The following PDE5A variants were observed in gnomAD, a reference collection of about 807,000 sequenced individuals.
The protein encoded by PDE5A is cGMP-specific 3',5'-cyclic phosphodiesterase.
A neutral mutation model predicts 110.2 loss-of-function variants in PDE5A; 67 were observed. The observed-to-expected ratio is 0.61, with a 90% CI of 0.50 to 0.75. The LOEUF is 0.75. PDE5A is among the 30% of genes least tolerant of loss of function. The pLI is 0.00. For missense variants in PDE5A, 862 were observed against 1,045.1 expected, an observed-to-expected ratio of 0.82 and a Z score of 2.42; for synonymous variants, 328 against 351.2, an observed-to-expected ratio of 0.93 and a Z score of 0.74.
chr4:119,580,031 C>G (rs1286954542), intron 3 of PDE5A, among the ~76,000 whole-genome samples: 1 of 152,116 alleles, frequency 6.6e-6, no homozygotes, highest in African/African-American at 2.4e-5. Flanking sequence ...ACGTCGCTCC[C>G]CAGACGGGGC....
chr4:119,565,658 T>A (rs1327044169), intron 4 of PDE5A, among the ~76,000 whole-genome samples: 1 of 152,072 alleles, frequency 6.6e-6, no homozygotes, highest in Non-Finnish European at 1.5e-5. Flanking sequence ...TATCTCTTTA[T>A]ACCACTTGAA....
rs185342599 is a variant in PDE5A, at chr4:119,498,403, A to T, written c.*198T>A. The T allele has an allele frequency of 9.2e-4, 519 of 563,694 alleles. 5 individuals carry two copies. In the East Asian group the frequency reaches 0.015, roughly 16 times the overall value. The allele number at this position is 563,694 out of a possible 1,614,324, so 34.9% of individuals were successfully genotyped here. A position where few individuals can be genotyped will look rare whatever the true frequency, so the allele number is the denominator to read the frequency against. ...GTTGATCCTTTCAGTTCAGTAGCAT[A>T]AAACAAATATACAAAAAATATGTAA... On this transcript the variant is annotated 3_prime_UTR_variant, in exon 21 of 21. Coordinates refer to ENST00000354960, the MANE Select transcript of PDE5A (RefSeq NM_001083.4).
At chr4:119,577,639 C>G (rs1300434600) in intron 3 of PDE5A, among the ~76,000 whole-genome samples, 1 of 152,182 alleles carries the variant, frequency 6.6e-6, no homozygotes, top group African/African-American at 2.4e-5. Context: ...TTCAACAACC[C>G]TTCATGCTAA....
intron 2 of PDE5A, among the ~76,000 whole-genome samples, chr4:119,598,825 C>T (rs545370599): frequency 1.2e-4 from 18 of 152,262 alleles, no homozygotes; most frequent in Middle Eastern, 3.4e-3. Context: ...GTATAAAGCA[C>T]AGGGGCTGTG....
At chr4:119,529,773 C>T (rs1347277293) in intron 11 of PDE5A, among the ~76,000 whole-genome samples, 1 of 152,102 alleles carries the variant, frequency 6.6e-6, no homozygotes, top group African/African-American at 2.4e-5. Flanking sequence ...GCAGTTGAAC[C>T]CTGTTGATGC....
At chr4:119,574,179 C>CT (rs70944893) in intron 3 of PDE5A, among the ~76,000 whole-genome samples, 59,147 of 87,338 alleles carry the variant, frequency 0.68, 22,079 homozygotes, top group South Asian at 0.82. Context: ...AAAATATAGG[C>CT]TTTTTTTTTT....
At chr4:119,505,325 G>A (rs1013000436) in intron 17 of PDE5A, among the ~76,000 whole-genome samples, 8 of 151,866 alleles carry the variant, frequency 5.3e-5, no homozygotes, top group Non-Finnish European at 7.4e-5. Context: ...CACTGGAAAT[G>A]TTATCTTTAT....
chr4:119,563,108 C>T, intron 5 of PDE5A, 138 bp from the exon 6 acceptor site: 1 of 574,366 alleles, frequency 1.7e-6, no homozygotes, highest in Non-Finnish European at 2.9e-6. Flanking sequence ...AATACGTCTC[C>T]ACTTATTAAC....
chr4:119,607,072 A>T lies in PDE5A; in HGVS notation c.378T>A (p.Ser126=). ...KDSEGTVSFL[S]DSEKKEQMPL... Reference sequence around the variant, plus strand: ...GCATCTGTTCCTTCTTTTCTGAGTCAGAGAGGAAGCTCACAGTTCCCTCAG... The same window carrying T: ...GCATCTGTTCCTTCTTTTCTGAGTCTGAGAGGAAGCTCACAGTTCCCTCAG... The change falls in exon 2 of 21, where the codon TCT becomes TCA. Residue 126 remains serine (S), a synonymous_variant. Coordinates refer to ENST00000354960, the MANE Select transcript of PDE5A (RefSeq NM_001083.4). 8.1e-6 allele frequency: 13 copies of T among 1,614,220 alleles called. No individual in the cohort carries two copies. Among genetic ancestry groups the T allele is most frequent in the Non-Finnish European group, 1.1e-5 (13 of 1,180,026 alleles).
Position 119,628,581 on chromosome 4 carries a change from CG to C in PDE5A, c.90del (p.Glu31LysfsTer92). 1.9e-6 allele frequency: 3 copies of C among 1,612,364 alleles called. No individual in the cohort carries two copies. Among genetic ancestry groups the C allele is most frequent in the Non-Finnish European group, 2.5e-6 (3 of 1,178,916 alleles). On this transcript the variant is annotated frameshift_variant, in exon 1 of 21. Transcript: ENST00000354960. LOFTEE classifies it high-confidence loss of function. Reference protein sequence around the residue: ...QKQQQRDQDSVEAWLDDHWDF... With the variant: ...QKQQQRDQDSXEAWLDDHWDF... ...TCCCAGTGATCGTCCAGCCATGCTT[CG>C]ACCGAGTCCTGATCCCTCTGCTGCT...
Position 119,606,779 on chromosome 4 carries a change from T to C in PDE5A, c.671A>G (p.Glu224Gly). The C allele has an allele frequency of 6.2e-7, 1 of 1,614,178 alleles. No individual in the cohort carries two copies. The highest frequency in any genetic ancestry group is 8.5e-7 in the Non-Finnish European group (1 of 1,180,042). Residue 224 changes from glutamate to glycine, a missense_variant, in exon 2 of 21, where the codon GAA becomes GGA. Coordinates refer to ENST00000354960, the MANE Select transcript of PDE5A (RefSeq NM_001083.4). ...ATGTCCCACAATGCCTTTGTTCCATTCTAAGCGGATACAGTTATTTGAAAC... is the reference window on the plus strand; with the variant it reads ...ATGTCCCACAATGCCTTTGTTCCATCCTAAGCGGATACAGTTATTTGAAAC... ...EEVSNNCIRL[E>G]WNKGIVGHVA...
At chr4:119,548,626 ACTT>A (rs1371380896) in intron 9 of PDE5A, 2 of 152,270 alleles carry the variant, frequency 1.3e-5, no homozygotes, top group African/African-American at 4.8e-5. Flanking sequence ...ACTAAAGACT[ACTT>A]CTCTGTTTTC....
intron 9 of PDE5A, chr4:119,543,905 T>C (rs1264527235): frequency 2.0e-5 from 3 of 152,226 alleles, no homozygotes; most frequent in African/African-American, 7.2e-5. Context: ...TGGTAAATTT[T>C]ATTTCTCTCT....
intron 7 of PDE5A, among the ~76,000 whole-genome samples, chr4:119,558,497 T>C (rs975577151): frequency 2.0e-5 from 3 of 151,942 alleles, no homozygotes; most frequent in Non-Finnish European, 4.4e-5. Flanking sequence ...AGAATTGGAG[T>C]CCTAAATCCT....
At chr4:119,554,040 T>C (rs1377047716) in intron 7 of PDE5A, among the ~76,000 whole-genome samples, 2 of 152,142 alleles carry the variant, frequency 1.3e-5, no homozygotes, top group African/African-American at 4.8e-5. Flanking sequence ...TAATGTAAAC[T>C]CATATGTCCC....
chr4:119,611,523 A>G (rs1006668319), intron 1 of PDE5A, among the ~76,000 whole-genome samples: 3 of 152,188 alleles, frequency 2.0e-5, no homozygotes, highest in African/African-American at 7.2e-5. Context: ...AAGTCTCACA[A>G]CTGACCGTGA....
chr4:119,576,974 A>G (rs536200946), intron 3 of PDE5A, among the ~76,000 whole-genome samples: 4 of 152,294 alleles, frequency 2.6e-5, no homozygotes, highest in East Asian at 1.9e-4. Context: ...GAGAAGAATC[A>G]AATAGGTGCA....
chr4:119,512,506 G>C (rs1464576097), intron 14 of PDE5A: 1 of 152,102 alleles, frequency 6.6e-6, no homozygotes, highest in African/African-American at 2.4e-5. Context: ...AGACTACTGG[G>C]AAACTTCTAG....
chr4:119,560,430 C>T, intron 6 of PDE5A, 67 bp from the exon 7 acceptor site: 1 of 944,992 alleles, frequency 1.1e-6, no homozygotes, highest in Non-Finnish European at 1.6e-6. Context: ...TAGATACAGA[C>T]ATACATGCTA....
Sources: allele counts gnomAD v4.1 joint callset (sites outside exome capture counted in the v4.1 genomes callset), GRCh38; gene constraint gnomAD v4.1.1; transcripts MANE v1.5; gene names NCBI Gene and HGNC (gene_info 2026-07-23, HGNC 2026-07-21).